HTR4: variants seen among roughly 807,000 people sequenced by gnomAD.
The protein encoded by HTR4 is 5-hydroxytryptamine (serotonin) receptor 4, G protein-coupled.
A neutral mutation model predicts 36.8 loss-of-function variants in HTR4; 16 were observed. The observed-to-expected ratio is 0.43, with a 90% CI of 0.29 to 0.66. The LOEUF is 0.66. Among genes scored for constraint, HTR4 ranks in the 30% least tolerant of loss-of-function variants. The pLI is 0.13. For missense variants in HTR4, 438 were observed against 490.9 expected (o/e 0.89, Z 1.02); for synonymous variants, 189 against 185.1 (o/e 1.02, Z -0.17).
chr5:148,493,866 T>G (rs1254885463), intron 6 of HTR4, among the ~76,000 whole-genome samples: 1 of 152,234 alleles, frequency 6.6e-6, no homozygotes, highest in Non-Finnish European at 1.5e-5. Context: ...AAGTCTGTTT[T>G]GGCTCAAAAC....
chr5:148,626,163 T>G (rs1177784648), intron 2 of HTR4, among the ~76,000 whole-genome samples: 2 of 152,210 alleles, frequency 1.3e-5, no homozygotes, highest in African/African-American at 4.8e-5. Context: ...CATTTGAAGT[T>G]ACAAATAGAA....
At chr5:148,547,369 A>G (rs949156587) in intron 4 of HTR4, among the ~76,000 whole-genome samples, 3 of 151,942 alleles carry the variant, frequency 2.0e-5, no homozygotes, top group Non-Finnish European at 2.9e-5. Flanking sequence ...AATACAAAAA[A>G]TTAGCTGGGC....
Position 148,483,157 on chromosome 5 carries a change from C to G in HTR4, c.*46G>C, listed in dbSNP as rs1755971004. 6.2e-7 allele frequency: 1 copy of G among 1,613,334 alleles called. No individual in the cohort carries two copies. Among genetic ancestry groups the G allele is most frequent in the African/African-American group, 1.3e-5 (1 of 74,898 alleles). On this transcript the variant is annotated 3_prime_UTR_variant, in exon 7 of 7. Transcript: ENST00000377888. The stretch of plus-strand genomic sequence containing the variant: ...CACAAGCAGCAGCTTAGGACCTGGC[C>G]CTCTTTCGGAGGCATGGCTGTCTTC...
At chr5:148,629,399 A>G (rs918429225) in intron 2 of HTR4, 2 of 152,212 alleles carry the variant, frequency 1.3e-5, no homozygotes, top group African/African-American at 2.4e-5. Flanking sequence ...ATGACATGGA[A>G]GGCATACTCT....
chr5:148,554,822 C>T (rs1435169004), intron 2 of HTR4, among the ~76,000 whole-genome samples: 1 of 152,026 alleles, frequency 6.6e-6, no homozygotes, highest in Non-Finnish European at 1.5e-5. Context: ...CACGTAGGTC[C>T]CAGTGTCTGT....
Position 148,562,470 on chromosome 5 carries a change from C to T in HTR4, c.27-12208G>A, listed in dbSNP as rs77960607. Among the ~76,000 whole-genome samples the T allele has an allele frequency of 9.1e-3, 1,382 of 152,210 alleles. 25 individuals carry two copies. Among genetic ancestry groups the T allele is most frequent in the African/African-American group, 0.032 (1,309 of 41,510 alleles). On this transcript the variant is annotated intron_variant, in intron 2 of 6. Coordinates refer to ENST00000377888, the MANE Select transcript of HTR4 (RefSeq NM_000870.7). ...CACGCCAGAAACTGAGCATCTTGCTCATTTTTTTCTTCTCCTTTACCTAGG... is the reference window on the plus strand; with the variant it reads ...CACGCCAGAAACTGAGCATCTTGCTTATTTTTTTCTTCTCCTTTACCTAGG...
intron 5 of HTR4, among the ~76,000 whole-genome samples, chr5:148,519,497 T>C (rs1322269359): frequency 6.6e-6 from 1 of 152,164 alleles, no homozygotes; most frequent in African/African-American, 2.4e-5. Context: ...CATCTGTACT[T>C]GCATGTATGT....
intron 2 of HTR4, among the ~76,000 whole-genome samples, chr5:148,588,716 A>G (rs1026533119): frequency 6.7e-6 from 1 of 150,056 alleles, no homozygotes; most frequent in Non-Finnish European, 1.5e-5. Context: ...AATTTTTTGT[A>G]TTTTTAGTAG....
chr5:148,523,109 T>C, intron 5 of HTR4, 84 bp downstream of exon 5: 1 of 1,250,924 alleles, frequency 8.0e-7, no homozygotes, highest in African/African-American at 1.6e-5. Flanking sequence ...CTTAGAATAC[T>C]CAATCTAATA....
chr5:148,542,131 C>A (rs1392179607), intron 4 of HTR4, among the ~76,000 whole-genome samples: 2 of 152,102 alleles, frequency 1.3e-5, no homozygotes, highest in Non-Finnish European at 2.9e-5. Flanking sequence ...GTAAGCACTC[C>A]ATAAATGTTT....
intron 2 of HTR4, among the ~76,000 whole-genome samples, chr5:148,626,067 G>T (rs892913520): frequency 6.6e-6 from 1 of 152,170 alleles, no homozygotes; most frequent in Non-Finnish European, 1.5e-5. Flanking sequence ...AGTCATAGAA[G>T]ACTGGTTGGC....
chr5:148,461,830 T>C (rs1411713928), intron 5 of HTR4: 2 of 152,046 alleles, frequency 1.3e-5, no homozygotes, highest in Admixed American at 1.3e-4. Flanking sequence ...TAAGTTCATA[T>C]GGAACATTTA....
intron 6 of HTR4, among the ~76,000 whole-genome samples, chr5:148,501,221 T>C (rs1365083439): frequency 6.6e-6 from 1 of 152,146 alleles, no homozygotes; most frequent in African/African-American, 2.4e-5. Flanking sequence ...CTTCAAAATG[T>C]ATTGTTAAAG....
At chr5:148,503,966 C>A (rs1757058396) in intron 6 of HTR4, among the ~76,000 whole-genome samples, 1 of 152,114 alleles carries the variant, frequency 6.6e-6, no homozygotes, top group Non-Finnish European at 1.5e-5. Context: ...GATATGCACC[C>A]AATACAGGCG....
chr5:148,604,727 T>C (rs138512105), intron 2 of HTR4, among the ~76,000 whole-genome samples: 1 of 152,314 alleles, frequency 6.6e-6, no homozygotes, highest in African/African-American at 2.4e-5. Context: ...GATATAATGA[T>C]GAATGAAAGA....
downstream of HTR4, among the ~76,000 whole-genome samples, chr5:148,479,607 G>A (rs1337025524): frequency 6.6e-6 from 1 of 152,120 alleles, no homozygotes; most frequent in African/African-American, 2.4e-5. Flanking sequence ...AAAAGTAGAT[G>A]ATCATAAAGC....
chr5:148,515,720 C>G (rs144764868), intron 5 of HTR4, among the ~76,000 whole-genome samples: 145 of 151,820 alleles, frequency 9.6e-4, no homozygotes, highest in African/African-American at 3.2e-3. Flanking sequence ...TCATTTTTCT[C>G]TAATTACTTT....
Position 148,637,327 on chromosome 5 carries a change from G to A in HTR4, c.-47-266C>T, listed in dbSNP as rs373561092. Among the ~76,000 whole-genome samples the A allele has an allele frequency of 3.9e-5, 6 of 152,082 alleles. No individual in the cohort carries two copies. In the East Asian group the frequency reaches 9.6e-4, roughly 24 times the overall value. ...TTTTGCTCCATTTATTGTTATTTAT[G>A]TTCTTTCCAGAAACATGGCTTATTT... On this transcript the variant is annotated intron_variant, in intron 1 of 6. Coordinates refer to ENST00000377888, the MANE Select transcript of HTR4 (RefSeq NM_000870.7).
At chr5:148,563,539 T>C (rs1410239901) in intron 2 of HTR4, among the ~76,000 whole-genome samples, 1 of 152,212 alleles carries the variant, frequency 6.6e-6, no homozygotes. Context: ...ACCTTTTTGG[T>C]ACTGTTTTAC....
Sources: gnomAD v4.1 joint callset for allele counts (sites outside exome capture counted in the v4.1 genomes callset) on GRCh38, gnomAD v4.1.1 for gene constraint, MANE v1.5 for transcripts, NCBI Gene and HGNC (gene_info 2026-07-23, HGNC 2026-07-21) for gene names.